LEF1: variants seen among roughly 807,000 people sequenced by gnomAD.
LEF1 encodes the protein lymphoid enhancer binding factor 1, also known as lymphoid enhancer-binding factor 1.
LEF1 carries 14 observed loss-of-function variants against 51.2 expected under a neutral mutation model. The observed-to-expected ratio is 0.27, with a 90% confidence interval of 0.18 to 0.43. The LOEUF is 0.43. LEF1 is among the 20% of genes least tolerant of loss of function. The pLI, the probability that LEF1 is intolerant of heterozygous loss-of-function variation, is 1.00. For missense variants in LEF1, 386 were observed against 512.0 expected (o/e 0.75, Z 2.37); for synonymous variants, 185 against 183.2 (o/e 1.01, Z -0.08).
rs117756152 is a variant in LEF1 at position 108,159,853 on chromosome 4, A to T, written c.414+3715T>A. 9.6e-3 allele frequency among the ~76,000 whole-genome samples: 1,467 copies of T among 152,328 alleles called. 57 individuals are homozygous for T. The highest frequency in any genetic ancestry group is 0.058 in the East Asian group (299 of 5,196). ...ATAGCAATTTCTACTTTAAAAAAAT[A>T]AACATTTTAAAAGATAGCTGAAATG... On this transcript the variant is annotated intron_variant, in intron 3 of 11. Coordinates refer to ENST00000265165, the MANE Select transcript of LEF1 (RefSeq NM_016269.5).
rs185498008 is a variant in LEF1, at chr4:108,137,530, G to A, written c.414+26038C>T. 2.0e-3 allele frequency among the ~76,000 whole-genome samples: 297 copies of A among 152,306 alleles called. 2 individuals are homozygous for A. Among genetic ancestry groups the A allele is most frequent in the African/African-American group, 6.8e-3 (284 of 41,576 alleles). ...GAAAAGAGGAAAGTGGCACTGATTT[G>A]TTGGCATGAGGATTAGAGGCTGTGT... On this transcript the variant is annotated intron_variant, in intron 3 of 11. Coordinates refer to ENST00000265165, the MANE Select transcript of LEF1 (RefSeq NM_016269.5).
chr4:108,050,728 G>C (rs1736923469), intron 11 of LEF1, among the ~76,000 whole-genome samples: 1 of 152,234 alleles, frequency 6.6e-6, no homozygotes, highest in Admixed American at 6.5e-5. Context: ...TAGCGCCTGA[G>C]ACAAGCACTG....
chr4:108,167,529 C>G lies in LEF1; in HGVS notation c.213+26G>C, dbSNP rs775236849. 2 of 1,611,318 alleles carry G rather than the reference C, an allele frequency of 1.2e-6. No homozygotes were observed. The highest frequency in any genetic ancestry group is 4.5e-5 in the East Asian group (2 of 44,856). On this transcript the variant is annotated intron_variant, in intron 1 of 11. Coordinates refer to ENST00000265165, the MANE Select transcript of LEF1 (RefSeq NM_016269.5). The surrounding 1 kb of genome is among the most constrained non-coding windows in gnomAD (Gnocchi z 5.7). ...TTTCCCAGGGACCCGCCACGCCTCT[C>G]GGAACTGGGGCAGCGGCCCGCTCAC...
At chr4:108,113,405 T>C (rs1560799494) in intron 3 of LEF1, among the ~76,000 whole-genome samples, 1 of 152,102 alleles carries the variant, frequency 6.6e-6, no homozygotes, top group Middle Eastern at 3.2e-3. Context: ...TGAACGACTG[T>C]CTTTTGACAA....
chr4:108,079,730 C>A (rs750180742), intron 6 of LEF1, 116 bp from the exon 7 acceptor site: 2 of 953,290 alleles, frequency 2.1e-6, no homozygotes, highest in Admixed American at 2.4e-5. Context: ...CACATCTTTA[C>A]GCACAGAAGC....
At chr4:108,136,881 A>G (rs1743297967) in intron 3 of LEF1, among the ~76,000 whole-genome samples, 1 of 152,212 alleles carries the variant, frequency 6.6e-6, no homozygotes, top group Non-Finnish European at 1.5e-5. Context: ...ATTGAAAACT[A>G]AATAGCTACC....
intron 3 of LEF1, among the ~76,000 whole-genome samples, chr4:108,094,762 C>G (rs1740270339): frequency 6.6e-6 from 1 of 152,160 alleles, no homozygotes; most frequent in African/African-American, 2.4e-5. Flanking sequence ...TAACTGAATC[C>G]AGGGGAATTT....
At chr4:108,144,887 A>AG (rs1560821567) in intron 3 of LEF1, among the ~76,000 whole-genome samples, 1 of 150,888 alleles carries the variant, frequency 6.6e-6, no homozygotes, top group African/African-American at 2.4e-5. Flanking sequence ...AAAAAAAAAA[A>AG]AAGAAGAGTA....
intron 11 of LEF1, 33 bp from the exon 12 acceptor site, chr4:108,048,784 T>C (rs1015216291): frequency 9.8e-6 from 15 of 1,529,556 alleles, no homozygotes; most frequent in Non-Finnish European, 1.3e-5. Flanking sequence ...GCTATTAATA[T>C]GAATTTGCCG....
At chr4:108,092,917 T>TAAAAAAAAAAA (rs71592104) in intron 3 of LEF1, among the ~76,000 whole-genome samples, 4 of 31,154 alleles carry the variant, frequency 1.3e-4, no homozygotes, top group Admixed American at 3.7e-4. Flanking sequence ...AATGAATATG[T>TAAAAAAAAAAA]AAAAAAAAAA....
At chr4:108,064,899 T>C (rs916368146) in intron 9 of LEF1, among the ~76,000 whole-genome samples, 14 of 152,050 alleles carry the variant, frequency 9.2e-5, no homozygotes, top group African/African-American at 3.4e-4. Context: ...GTGAATTCCA[T>C]TGTCTGATTA....
chr4:108,132,883 C>T (rs1468112320), intron 3 of LEF1, among the ~76,000 whole-genome samples: 35 of 151,888 alleles, frequency 2.3e-4, no homozygotes, highest in Admixed American at 2.3e-3. Flanking sequence ...GTTGCCCAGG[C>T]TTGTCTCCAA....
At chr4:108,078,541 C>T (rs1739072995) in intron 7 of LEF1, 159 bp from the exon 8 acceptor site, 1 of 841,158 alleles carries the variant, frequency 1.2e-6, no homozygotes, top group South Asian at 1.6e-5. Context: ...CAGTTATTGA[C>T]TCATTTGACA....
chr4:108,114,684 G>GAGC (rs941457100), intron 3 of LEF1, among the ~76,000 whole-genome samples: 29 of 152,208 alleles, frequency 1.9e-4, no homozygotes, highest in African/African-American at 6.8e-4. Flanking sequence ...AAAATACTGT[G>GAGC]AGCAGCAGCC....
rs1194536526 is a variant in LEF1, at chr4:108,083,366, G to C, written c.628C>G (p.Pro210Ala). Reference sequence around the variant, plus strand: ...CAGCAAGGTTCTTACCAGCCAAGAGGTGGGGTGATCTGTCCAACACCACCC... The same window carrying C: ...CAGCAAGGTTCTTACCAGCCAAGAGCTGGGGTGATCTGTCCAACACCACCC... ...SPGGVGQITP[P>A]LGWQGQPVYP... Residue 210 changes from proline (P) to alanine (A), a missense_variant, in exon 5 of 12, where the codon CCT becomes GCT. Pro to Ala is a conservative substitution (Grantham distance 27). This residue lies in a region of LEF1 where 335 missense variants were observed against 390.7 expected (regional missense o/e 0.86). Coordinates refer to ENST00000265165, the MANE Select transcript of LEF1 (RefSeq NM_016269.5). 6.2e-7 allele frequency: 1 copy of C among 1,609,446 alleles called. No homozygotes were observed. Among genetic ancestry groups the C allele is most frequent in the Non-Finnish European group, 8.5e-7 (1 of 1,175,868 alleles).
chr4:108,087,407 G>A (rs552550069), intron 4 of LEF1, among the ~76,000 whole-genome samples: 1 of 151,764 alleles, frequency 6.6e-6, no homozygotes, highest in Admixed American at 6.6e-5. Flanking sequence ...GTCCCTTCTC[G>A]GTAGTTTTGG....
chr4:108,094,089 T>C (rs1740225140), intron 3 of LEF1, among the ~76,000 whole-genome samples: 1 of 152,212 alleles, frequency 6.6e-6, no homozygotes, highest in South Asian at 2.1e-4. Context: ...GCCAAGCTCA[T>C]TACCTGTACA....
intron 3 of LEF1, among the ~76,000 whole-genome samples, chr4:108,121,933 T>A (rs1742202211): frequency 6.6e-6 from 1 of 152,256 alleles, no homozygotes; most frequent in Non-Finnish European, 1.5e-5. Flanking sequence ...GTTTTCCTTA[T>A]TGATAAATAA....
rs1378289320 is a variant in LEF1 at position 108,167,004 on chromosome 4, G to A, written c.213+551C>T. On this transcript the variant is annotated intron_variant, in intron 1 of 11. Transcript: ENST00000265165. The surrounding 1 kb of genome is among the most constrained non-coding windows in gnomAD (Gnocchi z 5.7). ...TCGGCCGGCCTGCTCCCCGCGGCCC[G>A]GCTCACCGGTGGTAGGGACGGCCCC... Among the ~76,000 whole-genome samples the A allele has an allele frequency of 6.6e-6, 1 of 152,018 alleles. No homozygotes were observed. Among genetic ancestry groups the A allele is most frequent in the South Asian group, 2.1e-4 (1 of 4,824 alleles).
Sources: allele counts gnomAD v4.1 joint callset (sites outside exome capture counted in the v4.1 genomes callset), GRCh38; gene constraint gnomAD v4.1.1; regional missense constraint gnomAD v4.1.1; non-coding constraint Gnocchi (gnomAD v3.1); transcripts MANE v1.5; gene names NCBI Gene and HGNC (gene_info 2026-07-23, HGNC 2026-07-21).